Variants in NRXN1 observed in about 807,000 individuals in gnomAD.
NRXN1 encodes the protein neurexin-1.
In NRXN1, 39 loss-of-function variants were observed where a neutral mutation model predicts 150.9. The observed-to-expected ratio is 0.26, with a 90% CI of 0.20 to 0.34. The LOEUF (loss-of-function observed/expected upper bound fraction) is 0.34, where lower values mean the gene tolerates loss of function less well. NRXN1 is among the 10% of genes least tolerant of loss of function. The pLI, the probability that NRXN1 is intolerant of heterozygous loss-of-function variation, is 1.00. For missense variants in NRXN1, 1,815 were observed against 1,949.9 expected, an observed-to-expected ratio of 0.93 and a Z score of 1.30; for synonymous variants, 924 against 757.0, an observed-to-expected ratio of 1.22 and a Z score of -3.62.
intron 18 of NRXN1, among the ~76,000 whole-genome samples, chr2:50,127,201 A>T (rs76148221): frequency 2.0e-3 from 298 of 152,310 alleles, no homozygotes; most frequent in African/African-American, 6.8e-3. Flanking sequence ...GTTGAATCTG[A>T]ATTAAATATG....
intron 13 of NRXN1, among the ~76,000 whole-genome samples, chr2:50,500,466 A>C (rs2091888513): frequency 6.6e-6 from 1 of 152,236 alleles, no homozygotes; most frequent in Admixed American, 6.5e-5. Flanking sequence ...TTCTTTAAAA[A>C]ATTATTTTTT....
At chr2:51,001,934 T>TG (rs913391490) in intron 2 of NRXN1, among the ~76,000 whole-genome samples, 5 of 151,850 alleles carry the variant, frequency 3.3e-5, no homozygotes, top group African/African-American at 1.2e-4. Flanking sequence ...CTCCCTATAT[T>TG]GGGAGGAAAG....
intron 5 of NRXN1, among the ~76,000 whole-genome samples, chr2:50,873,054 C>T (rs1678031668): frequency 6.6e-6 from 1 of 151,726 alleles, no homozygotes; most frequent in Admixed American, 6.6e-5. Context: ...AAAGTTAGAT[C>T]ACAGACACTG....
At chr2:49,962,782 G>A (rs1443999516) in intron 21 of NRXN1, among the ~76,000 whole-genome samples, 1 of 151,842 alleles carries the variant, frequency 6.6e-6, no homozygotes, top group African/African-American at 2.4e-5. Context: ...GTGAAACCTC[G>A]TCTTTACTAA....
At chr2:50,598,032 G>A (rs1470647892) in intron 8 of NRXN1, among the ~76,000 whole-genome samples, 10 of 151,988 alleles carry the variant, frequency 6.6e-5, no homozygotes, top group Admixed American at 2.6e-4. Context: ...CCAGCTACTC[G>A]GGAGGCTGAG....
intron 17 of NRXN1, among the ~76,000 whole-genome samples, chr2:50,436,863 G>T (rs770033136): frequency 6.6e-6 from 1 of 152,074 alleles, no homozygotes; most frequent in Non-Finnish European, 1.5e-5. Flanking sequence ...ATACTCAATG[G>T]TATCTCAAAA....
intron 5 of NRXN1, among the ~76,000 whole-genome samples, chr2:50,705,841 G>T (rs911108785): frequency 6.6e-6 from 1 of 151,770 alleles, no homozygotes; most frequent in African/African-American, 2.4e-5. Context: ...CCCATAGTGC[G>T]ACCACACATA....
At chr2:50,305,345 C>T (rs1416470342) in intron 17 of NRXN1, among the ~76,000 whole-genome samples, 9 of 152,060 alleles carry the variant, frequency 5.9e-5, no homozygotes, top group South Asian at 2.1e-4. Flanking sequence ...ACTTGATGTA[C>T]AAATGTTTGT....
At chr2:50,521,914 T>C (rs1325642025) in intron 12 of NRXN1, among the ~76,000 whole-genome samples, 1 of 152,092 alleles carries the variant, frequency 6.6e-6, no homozygotes, top group Non-Finnish European at 1.5e-5. Context: ...CGACCTGAAC[T>C]GAAAGATTTG....
intron 5 of NRXN1, among the ~76,000 whole-genome samples, chr2:50,689,850 TTATTTGTG>T (rs1691796556): frequency 1.4e-5 from 2 of 138,162 alleles, no homozygotes; most frequent in African/African-American, 2.7e-5. Flanking sequence ...TTTTTTTTGC[TTATTTGTG>T]TGTGTGTGTG....
chr2:50,895,376 AAAAGGCAGT>A (rs1429139701), intron 5 of NRXN1, among the ~76,000 whole-genome samples: 37 of 152,126 alleles, frequency 2.4e-4, no homozygotes, highest in African/African-American at 8.9e-4. Context: ...CTTACAGCAA[AAAAGGCAGT>A]AACTAGTCAT....
intron 17 of NRXN1, among the ~76,000 whole-genome samples, chr2:50,424,001 C>G (rs1394192939): frequency 6.6e-6 from 1 of 151,962 alleles, no homozygotes; most frequent in African/African-American, 2.4e-5. Flanking sequence ...TACAGATAGG[C>G]TGGAGCCAGA....
chr2:50,104,064 A>C (rs1055154486), intron 18 of NRXN1, among the ~76,000 whole-genome samples: 3 of 151,982 alleles, frequency 2.0e-5, no homozygotes, highest in African/African-American at 7.2e-5. Flanking sequence ...GAACTTAAGG[A>C]TAGATTTGGG....
intron 2 of NRXN1, among the ~76,000 whole-genome samples, chr2:50,969,346 A>G (rs2104769696): frequency 6.6e-6 from 1 of 152,276 alleles, no homozygotes; most frequent in East Asian, 1.9e-4. Flanking sequence ...AGGCACTCAA[A>G]AAATATTGCT....
intron 5 of NRXN1, among the ~76,000 whole-genome samples, chr2:50,732,751 A>T (rs1452161196): frequency 1.3e-5 from 2 of 152,156 alleles, no homozygotes; most frequent in Non-Finnish European, 2.9e-5. Flanking sequence ...CTTGTTGTCC[A>T]CCACTTCTAT....
intron 2 of NRXN1, among the ~76,000 whole-genome samples, chr2:50,984,965 G>C (rs1697455835): frequency 6.6e-6 from 1 of 151,986 alleles, no homozygotes; most frequent in African/African-American, 2.4e-5. Flanking sequence ...ATAGTTACTG[G>C]GAGATTGGAC....
chr2:50,972,996 G>A (rs993345693), intron 2 of NRXN1, among the ~76,000 whole-genome samples: 2 of 152,178 alleles, frequency 1.3e-5, no homozygotes, highest in African/African-American at 4.8e-5. Context: ...TTGGATCTAG[G>A]ACTAAGAATT....
At chr2:50,998,030 T>C (rs1465326616) in intron 2 of NRXN1, among the ~76,000 whole-genome samples, 1 of 140,968 alleles carries the variant, frequency 7.1e-6, no homozygotes, top group Admixed American at 6.8e-5. Flanking sequence ...GTCTGGGAAA[T>C]AGAAATAGGG....
Position 50,254,130 on chromosome 2 carries a change from G to A in NRXN1, c.3365-17160C>T, listed in dbSNP as rs141602589. On this transcript the variant is annotated intron_variant, in intron 17 of 22. Transcript: ENST00000401669. Reference sequence around the variant, plus strand: ...CTATTTGGGAATTCAACTTCTTCCTGGTTTAGTCTTGGGAGGGTGTATGTG... The same window carrying A: ...CTATTTGGGAATTCAACTTCTTCCTAGTTTAGTCTTGGGAGGGTGTATGTG... Among the ~76,000 whole-genome samples the A allele has an allele frequency of 5.1e-3, 769 of 151,878 alleles. 21 individuals are homozygous for A. The highest frequency in any genetic ancestry group is 0.018 in the African/African-American group (724 of 41,282).
Sources: gnomAD v4.1 joint callset for allele counts (sites outside exome capture counted in the v4.1 genomes callset) on GRCh38, gnomAD v4.1.1 for gene constraint, MANE v1.5 for transcripts, NCBI Gene and HGNC (gene_info 2026-07-23, HGNC 2026-07-21) for gene names.